CTF1: variants seen among roughly 807,000 people sequenced by gnomAD.
The protein encoded by CTF1 is cardiotrophin-1.
A neutral mutation model predicts 10.9 loss-of-function variants in CTF1; 9 were observed. That is an observed-to-expected ratio of 0.83 (90% CI 0.50 to 1.44). The LOEUF (loss-of-function observed/expected upper bound fraction) is 1.44, where lower values mean the gene tolerates loss of function less well. Among genes scored for constraint, CTF1 ranks in the 40% most tolerant of loss-of-function variants. The pLI, the probability that CTF1 is intolerant of heterozygous loss-of-function variation, is 0.00. For synonymous variants in CTF1, 133 were observed against 138.8 expected (o/e 0.96, Z 0.29); for missense variants, 259 against 275.3 (o/e 0.94, Z 0.42).
Position 30,902,455 on chromosome 16 carries a change from G to A in CTF1, c.522G>A (p.Gly174=). The change falls in exon 3 of 3, where the codon GGG becomes GGA. Residue 174 remains glycine (G), a synonymous_variant. Coordinates refer to ENST00000279804, the MANE Select transcript of CTF1 (RefSeq NM_001330.5). The part of the protein sequence containing the change: ...ATGVFPAKVL[G]LRVCGLYREW... ...GGGTCTTCCCCGCCAAGGTGCTGGG[G>A]CTCCGCGTTTGCGGCCTCTACCGCG... The A allele has an allele frequency of 2.0e-6, 3 of 1,471,960 alleles. No individual in the cohort carries two copies. Among genetic ancestry groups the A allele is most frequent in the Admixed American group, 2.3e-5 (1 of 44,320 alleles). 91.2% of individuals were successfully genotyped at this position (1,471,960 alleles called of 1,614,324 possible). A position where few individuals can be genotyped will look rare whatever the true frequency, so the allele number is the denominator to read the frequency against.
chr16:30,898,988 C>T (rs971767668), intron 1 of CTF1, among the ~76,000 whole-genome samples: 4 of 152,194 alleles, frequency 2.6e-5, no homozygotes, highest in Non-Finnish European at 5.9e-5. Flanking sequence ...ACAAATACCA[C>T]TGTGTTCCAG....
At chr16:30,898,086 C>T (rs1454937057) in intron 1 of CTF1, among the ~76,000 whole-genome samples, 1 of 150,458 alleles carries the variant, frequency 6.6e-6, no homozygotes, top group African/African-American at 2.4e-5. Flanking sequence ...TGGTATTGAT[C>T]TCTTGACCTC....
In CTF1 at chr16:30,903,318, C is replaced by G. The variant is rs749251054; in HGVS notation, c.*779C>G. 3 of 153,528 alleles carry G rather than the reference C, an allele frequency of 2.0e-5. No homozygotes were observed. Among genetic ancestry groups the G allele is most frequent in the Non-Finnish European group, 1.5e-5 (1 of 68,860 alleles). 9.5% of individuals were successfully genotyped at this position (153,528 alleles called of 1,614,324 possible). A position where few individuals can be genotyped will look rare whatever the true frequency, so the allele number is the denominator to read the frequency against. On this transcript the variant is annotated 3_prime_UTR_variant, in exon 3 of 3. Transcript: ENST00000279804. ...GGAAGGCTACTCTGCATCTCAGCCA[C>G]CTTCCTCAGGCTCACTCCACCTACA... is the stretch of plus-strand genomic sequence containing the variant.
rs374359365 is a variant in CTF1 at position 30,899,540 on chromosome 16, G to T, written c.144+7G>T. On this transcript the variant is annotated splice_region_variant and intron_variant, in intron 2 of 2. Coordinates refer to ENST00000279804, the MANE Select transcript of CTF1 (RefSeq NM_001330.5). ...GCAGCTGCTCCAGGAATATGTGAGT[G>T]GGAATGGGGGTGGGGGTGCCGGGGG... 2.0e-4 allele frequency: 301 copies of T among 1,507,428 alleles called. No homozygotes were observed. The highest frequency in any genetic ancestry group is 2.6e-4 in the Non-Finnish European group (287 of 1,087,392). 93.4% of individuals were successfully genotyped at this position (1,507,428 alleles called of 1,614,324 possible).
At chr16:30,897,416 T>C (rs2055362699) in intron 1 of CTF1, among the ~76,000 whole-genome samples, 1 of 152,146 alleles carries the variant, frequency 6.6e-6, no homozygotes, top group South Asian at 2.1e-4. Context: ...GGTAGAAATA[T>C]GTAAGCCCTG....
At position 30,899,414 on chromosome 16, in the gene CTF1, G is replaced by A. The variant is rs1303838927; in HGVS notation, c.26-1G>A. 5 of 1,602,866 alleles carry A rather than the reference G, an allele frequency of 3.1e-6. No individual in the cohort carries two copies. The highest frequency in any genetic ancestry group is 1.3e-5 in the African/African-American group (1 of 74,726). The stretch of plus-strand genomic sequence containing the variant: ...CTCATTCCTCCCCCCTTTCCCACCA[G>A]AAGACCCCCAGACTGATTCCTCAGT... On this transcript the variant is annotated splice_acceptor_variant, in intron 1 of 2. Coordinates refer to ENST00000279804, the MANE Select transcript of CTF1 (RefSeq NM_001330.5). LOFTEE classifies it high-confidence loss of function.
In CTF1 at chr16:30,899,515, G is replaced by A; in HGVS notation, c.126G>A (p.Glu42=). Residue 42 remains glutamate, a synonymous_variant, in exon 2 of 3, where the codon GAG becomes GAA. Transcript: ENST00000279804. ...SLAHLLTKYA[E]QLLQEYVQLQ... is the part of the protein sequence containing the mutation. The stretch of plus-strand genomic sequence containing the variant: ...CGCACCTCCTCACCAAATACGCTGA[G>A]CAGCTGCTCCAGGAATATGTGAGTG... 6.3e-7 allele frequency: 1 copy of A among 1,587,422 alleles called. No homozygotes were observed.
chr16:30,902,259 C>G lies in CTF1; in HGVS notation c.326C>G (p.Ala109Gly). Residue 109 changes from alanine to glycine, a missense_variant, in exon 3 of 3, where the codon GCC becomes GGC. Transcript: ENST00000279804. ...PLLDAVCRRQAELNPRAPRLL... is the reference protein window; with the variant it reads ...PLLDAVCRRQGELNPRAPRLL... ...CTGGACGCAGTGTGTCGCCGCCAGG[C>G]CGAGCTGAACCCGCGCGCGCCGCGC... 5.5e-6 allele frequency: 6 copies of G among 1,082,686 alleles called. No individual in the cohort carries two copies. The highest frequency in any genetic ancestry group is 6.7e-6 in the Non-Finnish European group (6 of 894,784). The allele number at this position is 1,082,686 out of a possible 1,614,324, so 67.1% of individuals were successfully genotyped here.
intron 1 of CTF1, among the ~76,000 whole-genome samples, chr16:30,898,162 A>AT (rs1368889898): frequency 0.018 from 2,351 of 130,288 alleles, 20 homozygotes; most frequent in Middle Eastern, 0.051. Context: ...CGCCTGGACA[A>AT]TTTTTTTTTT....
chr16:30,902,615 G>A lies in CTF1; in HGVS notation c.*76G>A, dbSNP rs1293826121. ...TTCCGCTTCTTTGTCTTTCTCTGCC[G>A]CTGTCGGTGTCTGTCTGTCTGCTCT... is the stretch of plus-strand genomic sequence containing the variant. On this transcript the variant is annotated 3_prime_UTR_variant, in exon 3 of 3. Transcript: ENST00000279804. 9 of 1,410,654 alleles carry A rather than the reference G, an allele frequency of 6.4e-6. No homozygotes were observed. Among genetic ancestry groups the A allele is most frequent in the South Asian group, 1.4e-5 (1 of 73,274 alleles). The allele number at this position is 1,410,654 out of a possible 1,614,324, so 87.4% of individuals were successfully genotyped here. A position where few individuals can be genotyped will look rare whatever the true frequency, so the allele number is the denominator to read the frequency against.
In CTF1 at chr16:30,899,551, T is replaced by TGGGGGAGGGGGGGG; in HGVS notation, c.144+23_144+24insAGGGGGGGGGGGGG. On this transcript the variant is annotated intron_variant, in intron 2 of 2. Coordinates refer to ENST00000279804, the MANE Select transcript of CTF1 (RefSeq NM_001330.5). ...AGGAATATGTGAGTGGGAATGGGGG[T>TGGGGGAGGGGGGGG]GGGGGTGCCGGGGGCCTGGGGAATG... 6.9e-6 allele frequency: 3 copies of TGGGGGAGGGGGGGG among 435,282 alleles called. No homozygotes were observed. Among genetic ancestry groups the TGGGGGAGGGGGGGG allele is most frequent in the Non-Finnish European group, 8.3e-6 (2 of 240,232 alleles). The allele number at this position is 435,282 out of a possible 1,614,324, so 27.0% of individuals were successfully genotyped here.
chr16:30,902,299 G>A lies in CTF1; in HGVS notation c.366G>A (p.Leu122=). ...NPRAPRLLRR[L]EDAARQARAL... ...GCGCGCCGCGCCTGCTGCGCCGCCT[G>A]GAGGACGCGGCGCGCCAGGCCCGGG... Residue 122 remains leucine (L), a synonymous_variant, in exon 3 of 3, where the codon CTG becomes CTA. Transcript: ENST00000279804. 6.0e-6 allele frequency: 6 copies of A among 1,008,342 alleles called. No individual in the cohort carries two copies. Among genetic ancestry groups the A allele is most frequent in the Non-Finnish European group, 7.1e-6 (6 of 847,470 alleles). 62.5% of individuals were successfully genotyped at this position (1,008,342 alleles called of 1,614,324 possible).
At chr16:30,896,454 C>T (rs1027697475), upstream of CTF1, among the ~76,000 whole-genome samples, 1 of 152,232 alleles carries the variant, frequency 6.6e-6, no homozygotes, top group Non-Finnish European at 1.5e-5. Context: ...GGGCCCCTTC[C>T]CCCACTAGGC....
At chr16:30,896,141 A>AG (rs79234899), upstream of CTF1, among the ~76,000 whole-genome samples, 1 of 151,952 alleles carries the variant, frequency 6.6e-6, no homozygotes, top group East Asian at 1.9e-4. Context: ...GGGTGTGACA[A>AG]TGAGATTGGA....
intron 2 of CTF1, among the ~76,000 whole-genome samples, chr16:30,900,567 C>T (rs1316036297): frequency 6.6e-6 from 1 of 151,772 alleles, no homozygotes; most frequent in Non-Finnish European, 1.5e-5. Flanking sequence ...AGTTCGAGAC[C>T]AGCCTGGGTA....
rs1199751739 is a variant in CTF1, at chr16:30,903,533, TTTAAAAA to T, written c.*996_*1002del. On this transcript the variant is annotated 3_prime_UTR_variant, in exon 3 of 3. Transcript: ENST00000279804. ...AAATTAATTTTTTGTAAATAAAATG[TTTAAAAA>T]TAAAAAAGAAACTAAAGTTACTTGT... 6.6e-6 allele frequency: 1 copy of T among 152,220 alleles called. No homozygotes were observed. Among genetic ancestry groups the T allele is most frequent in the Admixed American group, 6.5e-5 (1 of 15,278 alleles). The allele number at this position is 152,220 out of a possible 1,614,324, so 9.4% of individuals were successfully genotyped here.
In CTF1 at chr16:30,896,655, G is replaced by C. The variant is rs1020624940; in HGVS notation, c.12G>C (p.Arg4Ser). ...AGCCAGGGGCCAGCATGAGCCGGAG[G>C]GAGGGAAGTCTGGGTAAGGGGCTGA... MSRREGSLEDPQTD... is the reference protein window; with the variant it reads MSRSEGSLEDPQTD... The change falls in exon 1 of 3, where the codon AGG (arginine) becomes AGC (serine). Residue 4 changes from arginine to serine, a missense_variant. Physicochemically the swap from Arg to Ser is moderately radical, Grantham distance 110. Transcript: ENST00000279804. 1.6e-6 allele frequency: 2 copies of C among 1,252,780 alleles called. No homozygotes were observed. Among genetic ancestry groups the C allele is most frequent in the African/African-American group, 3.1e-5 (2 of 64,488 alleles). 77.6% of individuals were successfully genotyped at this position (1,252,780 alleles called of 1,614,324 possible). A position where few individuals can be genotyped will look rare whatever the true frequency, so the allele number is the denominator to read the frequency against.
Position 30,902,650 on chromosome 16 carries a change from C to T in CTF1, c.*111C>T. ...TCTGTCTGTCTGCTCTTAGCTGTCT[C>T]CATTGCCTCGGCCTTCTTTGCTTTT... On this transcript the variant is annotated 3_prime_UTR_variant, in exon 3 of 3. Transcript: ENST00000279804. The T allele has an allele frequency of 7.6e-7, 1 of 1,321,872 alleles. No homozygotes were observed. The highest frequency in any genetic ancestry group is 9.7e-7 in the Non-Finnish European group (1 of 1,027,662). The allele number at this position is 1,321,872 out of a possible 1,614,324, so 81.9% of individuals were successfully genotyped here.
intron 2 of CTF1, 64 bp from the exon 3 acceptor site, chr16:30,902,014 C>T (rs1248307847): frequency 1.3e-5 from 17 of 1,353,658 alleles, no homozygotes; most frequent in Non-Finnish European, 1.4e-5. Context: ...GGTTGGAGAG[C>T]CCAGTTAACA....
Sources: gnomAD v4.1 joint callset for allele counts (sites outside exome capture counted in the v4.1 genomes callset) on GRCh38, gnomAD v4.1.1 for gene constraint, MANE v1.5 for transcripts, NCBI Gene and HGNC (gene_info 2026-07-23, HGNC 2026-07-21) for gene names.